Variants in DSCAM observed in about 807,000 individuals in gnomAD.
DSCAM encodes DS cell adhesion molecule.
A neutral mutation model predicts 217.7 loss-of-function variants in DSCAM; 47 were observed. The observed-to-expected ratio is 0.22, with a 90% CI of 0.17 to 0.28. DSCAM has a LOEUF of 0.28. DSCAM is among the 10% of genes least tolerant of loss of function. The pLI is 1.00. For synonymous variants in DSCAM, 1,056 were observed against 1,015.3 expected (o/e 1.04, Z -0.76); for missense variants, 2,080 against 2,618.3 (o/e 0.79, Z 4.49).
chr21:40,505,931 G>A (rs2076206821), intron 3 of DSCAM, among the ~76,000 whole-genome samples: 2 of 152,152 alleles, frequency 1.3e-5, no homozygotes, highest in African/African-American at 4.8e-5. Flanking sequence ...AAGCAAAGTA[G>A]CTGTATCTGA....
At chr21:40,559,823 C>G (rs544245296) in intron 3 of DSCAM, among the ~76,000 whole-genome samples, 13 of 138,254 alleles carry the variant, frequency 9.4e-5, no homozygotes, top group Non-Finnish European at 1.7e-4. Context: ...GATGGAGTCT[C>G]GCTCTGTCTC....
chr21:40,061,529 A>T (rs949447699), intron 28 of DSCAM, among the ~76,000 whole-genome samples: 1 of 150,000 alleles, frequency 6.7e-6, no homozygotes, highest in Admixed American at 6.8e-5. Flanking sequence ...AGACCGCACC[A>T]TTGCACTCCA....
At chr21:40,400,994 T>C (rs1249200760) in intron 3 of DSCAM, among the ~76,000 whole-genome samples, 3 of 152,208 alleles carry the variant, frequency 2.0e-5, no homozygotes, top group Non-Finnish European at 4.4e-5. Flanking sequence ...TACATAATGG[T>C]GGATACAGTT....
chr21:40,809,990 G>A (rs2091823954), intron 1 of DSCAM, among the ~76,000 whole-genome samples: 4 of 152,162 alleles, frequency 2.6e-5, no homozygotes, highest in South Asian at 2.1e-4. Flanking sequence ...GACTTCAGGC[G>A]AGATGGCAGT....
rs566538746 is a variant in DSCAM, at chr21:40,197,443, C to G, written c.2357-8205G>C. On this transcript the variant is annotated intron_variant, in intron 11 of 32. Transcript: ENST00000400454. The stretch of plus-strand genomic sequence containing the variant: ...TCTCCTTAATTTCTAAGTAAGGAAA[C>G]AGAGAACTAGGGGGTTTAAGACTGG... 1.8e-4 allele frequency among the ~76,000 whole-genome samples: 28 copies of G among 152,294 alleles called. No individual in the cohort carries two copies. The South Asian group carries it at 5.4e-3, about 29-fold the overall frequency.
intron 3 of DSCAM, among the ~76,000 whole-genome samples, chr21:40,492,537 G>A (rs7278810): frequency 0.082 from 12,341 of 150,840 alleles, 667 homozygotes; most frequent in Middle Eastern, 0.16. Flanking sequence ...TTAGCAGTGA[G>A]ATTGACATTT....
intron 1 of DSCAM, among the ~76,000 whole-genome samples, chr21:40,823,478 A>C (rs1468638532): frequency 6.6e-6 from 1 of 152,172 alleles, no homozygotes; most frequent in Non-Finnish European, 1.5e-5. Context: ...ATTTTTCAGG[A>C]TATGAATGAG....
At chr21:40,343,033 G>A (rs914823827) in intron 6 of DSCAM, among the ~76,000 whole-genome samples, 2 of 151,604 alleles carry the variant, frequency 1.3e-5, no homozygotes, top group African/African-American at 2.4e-5. Context: ...AATCTTTCAC[G>A]TTTGTTTAAA....
chr21:40,780,398 CGTGTGTGTGTGT>C (rs140268971), intron 1 of DSCAM, among the ~76,000 whole-genome samples: 13,979 of 107,802 alleles, frequency 0.13, 1,939 homozygotes, highest in South Asian at 0.22. Context: ...CAAATATAAA[CGTGTGTGTGTGT>C]GTGTGTGTGT....
intron 11 of DSCAM, among the ~76,000 whole-genome samples, chr21:40,232,611 A>G (rs1278967430): frequency 6.6e-6 from 1 of 152,218 alleles, no homozygotes; most frequent in East Asian, 1.9e-4. Flanking sequence ...ACCTCCAGAA[A>G]GAGTTAGAAT....
In DSCAM at chr21:40,487,312, T is replaced by C. The variant is rs1213195577; in HGVS notation, c.509-118067A>G. On this transcript the variant is annotated intron_variant, in intron 3 of 32. Transcript: ENST00000400454. ...GTGTGCGTGTGTGCGTGCGTGTGTG[T>C]GTGTGTGTGTGTGTGAGAGAGAGAG... is the stretch of plus-strand genomic sequence containing the variant. 3.4e-4 allele frequency among the ~76,000 whole-genome samples: 39 copies of C among 114,648 alleles called. No homozygotes were observed. In the Admixed American group the frequency reaches 3.5e-3, roughly 10 times the overall value. 75.2% of individuals were successfully genotyped at this position (114,648 alleles called of 152,430 possible).
chr21:40,477,162 T>C (rs923234377), intron 3 of DSCAM, among the ~76,000 whole-genome samples: 3 of 152,162 alleles, frequency 2.0e-5, no homozygotes, highest in Non-Finnish European at 4.4e-5. Flanking sequence ...TTTCAAAATA[T>C]ACCTGTTCAA....
At chr21:40,483,285 T>A (rs1443237783) in intron 3 of DSCAM, among the ~76,000 whole-genome samples, 3 of 152,240 alleles carry the variant, frequency 2.0e-5, no homozygotes, top group Non-Finnish European at 2.9e-5. Flanking sequence ...TTTACTTTCA[T>A]TTCATGTCGA....
intron 11 of DSCAM, among the ~76,000 whole-genome samples, chr21:40,262,049 C>T (rs760526445): frequency 1.3e-5 from 2 of 152,054 alleles, no homozygotes; most frequent in African/African-American, 4.8e-5. Flanking sequence ...CTCTCTCCCT[C>T]TCGCTTTCTT....
chr21:40,525,235 A>G (rs1324398323), intron 3 of DSCAM, among the ~76,000 whole-genome samples: 1 of 152,210 alleles, frequency 6.6e-6, no homozygotes, highest in African/African-American at 2.4e-5. Flanking sequence ...AAGTATATAC[A>G]TATAATACAG....
chr21:40,159,018 T>C (rs1189590364), intron 16 of DSCAM, among the ~76,000 whole-genome samples: 1 of 152,040 alleles, frequency 6.6e-6, no homozygotes, highest in African/African-American at 2.4e-5. Flanking sequence ...GCACACATTG[T>C]GTTTTTCTGT....
At chr21:40,208,808 C>A (rs2091153056) in intron 11 of DSCAM, among the ~76,000 whole-genome samples, 1 of 152,164 alleles carries the variant, frequency 6.6e-6, no homozygotes, top group Admixed American at 6.5e-5. Context: ...GCTTTCACTG[C>A]CCTACTCCTC....
At chr21:40,414,690 T>C (rs1197140875) in intron 3 of DSCAM, among the ~76,000 whole-genome samples, 1 of 152,214 alleles carries the variant, frequency 6.6e-6, no homozygotes, top group Non-Finnish European at 1.5e-5. Context: ...TCCAGTTAGC[T>C]ATATAGGTAT....
At chr21:40,687,590 GCT>G (rs2090494171) in intron 3 of DSCAM, among the ~76,000 whole-genome samples, 1 of 152,080 alleles carries the variant, frequency 6.6e-6, no homozygotes, top group African/African-American at 2.4e-5. Flanking sequence ...CATCCAATCT[GCT>G]CTTAGTTCTG....
Sources: gnomAD v4.1 joint callset for allele counts (sites outside exome capture counted in the v4.1 genomes callset) on GRCh38, gnomAD v4.1.1 for gene constraint, MANE v1.5 for transcripts, NCBI Gene and HGNC (gene_info 2026-07-23, HGNC 2026-07-21) for gene names.